The following RAD54L2 variants were observed in gnomAD, a reference collection of about 807,000 sequenced individuals.
RAD54L2 encodes the protein helicase ARIP4.
RAD54L2 carries 27 observed loss-of-function variants against 138.4 expected under a neutral mutation model. That is an observed-to-expected ratio of 0.20 (90% CI 0.14 to 0.27). The LOEUF (loss-of-function observed/expected upper bound fraction) is 0.27. RAD54L2 is among the 10% of genes least tolerant of loss of function. RAD54L2 has a pLI of 1.00. For synonymous variants in RAD54L2, 644 were observed against 723.2 expected, an observed-to-expected ratio of 0.89 and a Z score of 1.76; for missense variants, 1,396 against 1,890.2, an observed-to-expected ratio of 0.74 and a Z score of 4.85.
rs553511481 is a variant in RAD54L2 at position 51,590,026 on chromosome 3, C to T, written c.-54-341C>T. 5.3e-5 allele frequency among the ~76,000 whole-genome samples: 8 copies of T among 152,138 alleles called. No homozygotes were observed. The South Asian group carries it at 8.3e-4, about 16-fold the overall frequency. Reference sequence around the variant, plus strand: ...TTTTCTTTTGGAGAGAGTCTCACCTCGTCGCTCAGGCTGGAATGCAGTGGC... The same window carrying T: ...TTTTCTTTTGGAGAGAGTCTCACCTTGTCGCTCAGGCTGGAATGCAGTGGC... On this transcript the variant is annotated intron_variant, in intron 2 of 22. Coordinates refer to ENST00000684192, the MANE Select transcript of RAD54L2 (RefSeq NM_015106.4).
chr3:51,638,006 C>A lies in RAD54L2; in HGVS notation c.1683-138C>A. ...TCTTCTTGGTTGTTGAACCACTCTG[C>A]ATTATTGCAAGGCTGCAGTGCATGT... On this transcript the variant is annotated intron_variant, in intron 11 of 22. Transcript: ENST00000684192. The surrounding 1 kb of genome is among the most constrained non-coding windows in gnomAD (Gnocchi z 4.3). 2.6e-6 allele frequency: 2 copies of A among 779,270 alleles called. No homozygotes were observed. Among genetic ancestry groups the A allele is most frequent in the Non-Finnish European group, 4.1e-6 (2 of 489,892 alleles). The allele number at this position is 779,270 out of a possible 1,614,324, so 48.3% of individuals were successfully genotyped here.
intron 14 of RAD54L2, 85 bp from the exon 15 acceptor site, chr3:51,641,664 G>C: frequency 1.1e-6 from 1 of 884,358 alleles, no homozygotes. Flanking sequence ...CCCATTGTCA[G>C]AAAGTTGCAC....
rs1701917340 is a variant in RAD54L2, at chr3:51,666,588, A to G, written c.*3168A>G. 1 of 152,208 alleles carries G rather than the reference A, an allele frequency of 6.6e-6. No homozygotes were observed. Among genetic ancestry groups the G allele is most frequent in the Non-Finnish European group, 1.5e-5 (1 of 68,034 alleles). The allele number at this position is 152,208 out of a possible 1,614,324, so 9.4% of individuals were successfully genotyped here. A position where few individuals can be genotyped will look rare whatever the true frequency, so the allele number is the denominator to read the frequency against. ...TGATTGAGGTTTACCATTTATAGTG[A>G]TGCTTGATTTCCTTTTCTTAATATA... On this transcript the variant is annotated 3_prime_UTR_variant, in exon 23 of 23. Transcript: ENST00000684192.
At chr3:51,551,387 C>T (rs922691141) in intron 2 of RAD54L2, among the ~76,000 whole-genome samples, 4 of 151,844 alleles carry the variant, frequency 2.6e-5, no homozygotes, top group African/African-American at 9.7e-5. Context: ...CCTGTGTCGG[C>T]CTCCCAAAGT....
Position 51,638,339 on chromosome 3 carries a change from G to A in RAD54L2, c.1860+18G>A. Reference sequence around the variant, plus strand: ...GTTGCAAGGTGCATTGGGGCCTCAGGGAAGATTGAGATGGGGACTAAGGAT... The same window carrying A: ...GTTGCAAGGTGCATTGGGGCCTCAGAGAAGATTGAGATGGGGACTAAGGAT... On this transcript the variant is annotated intron_variant, in intron 12 of 22. Transcript: ENST00000684192. This position sits in a 1 kb window ranked among gnomAD's most constrained non-coding sequence, Gnocchi z 4.3. 6.2e-7 allele frequency: 1 copy of A among 1,612,690 alleles called. No homozygotes were observed. Among genetic ancestry groups the A allele is most frequent in the Non-Finnish European group, 8.5e-7 (1 of 1,179,400 alleles).
At chr3:51,561,335 T>A (rs1419383497) in intron 2 of RAD54L2, among the ~76,000 whole-genome samples, 1 of 152,186 alleles carries the variant, frequency 6.6e-6, no homozygotes, top group African/African-American at 2.4e-5. Flanking sequence ...AACCTCCACC[T>A]CCTGGGTTCA....
At chr3:51,566,838 T>G (rs775029222) in intron 2 of RAD54L2, among the ~76,000 whole-genome samples, 3 of 152,164 alleles carry the variant, frequency 2.0e-5, no homozygotes, top group Non-Finnish European at 4.4e-5. Context: ...TAGTTTTGGT[T>G]AATTTCTTGG....
intron 2 of RAD54L2, among the ~76,000 whole-genome samples, chr3:51,578,759 A>G (rs1699541112): frequency 6.6e-6 from 1 of 152,120 alleles, no homozygotes; most frequent in African/African-American, 2.4e-5. Flanking sequence ...TGACCCCTGA[A>G]GCCCTAGAGG....
intron 2 of RAD54L2, among the ~76,000 whole-genome samples, chr3:51,547,002 C>G (rs1698714876): frequency 6.6e-6 from 1 of 151,968 alleles, no homozygotes; most frequent in Admixed American, 6.6e-5. Flanking sequence ...GCACTCCAAC[C>G]TGGGCAACAG....
At chr3:51,613,322 C>A (rs1455671236) in intron 3 of RAD54L2, among the ~76,000 whole-genome samples, 1 of 152,154 alleles carries the variant, frequency 6.6e-6, no homozygotes, top group African/African-American at 2.4e-5. Flanking sequence ...TCTTCTTTTA[C>A]CTCTAGCTGA....
intron 19 of RAD54L2, 78 bp downstream of exon 19, chr3:51,646,559 G>T: frequency 2.2e-6 from 3 of 1,363,766 alleles, no homozygotes; most frequent in Non-Finnish European, 3.0e-6. Flanking sequence ...TTAAATAAAG[G>T]CAGAGCCTAC....
At chr3:51,570,052 C>G (rs1296138369) in intron 2 of RAD54L2, among the ~76,000 whole-genome samples, 1 of 151,296 alleles carries the variant, frequency 6.6e-6, no homozygotes, top group East Asian at 2.0e-4. Context: ...AGGCTGTTCT[C>G]AAACTCCTGT....
At chr3:51,592,491 C>G (rs752069375) in intron 3 of RAD54L2, among the ~76,000 whole-genome samples, 2 of 152,032 alleles carry the variant, frequency 1.3e-5, no homozygotes, top group Non-Finnish European at 2.9e-5. Flanking sequence ...GAATTTGACT[C>G]AAGGACCATT....
intron 1 of RAD54L2, among the ~76,000 whole-genome samples, chr3:51,539,528 T>C (rs1419433633): frequency 2.0e-5 from 3 of 151,854 alleles, no homozygotes; most frequent in Non-Finnish European, 4.4e-5. Context: ...CGAGGAGTGG[T>C]TTTCAGGCAA....
chr3:51,587,194 G>A (rs933365373), intron 2 of RAD54L2, among the ~76,000 whole-genome samples: 1 of 151,536 alleles, frequency 6.6e-6, no homozygotes, highest in South Asian at 2.1e-4. Context: ...TCCGCCTCCC[G>A]GGTTCACGCC....
At chr3:51,644,930 A>G in intron 16 of RAD54L2, 94 bp from the exon 17 acceptor site, 1 of 1,237,534 alleles carries the variant, frequency 8.1e-7, no homozygotes, top group Non-Finnish European at 1.2e-6. Flanking sequence ...CTTAGGACAG[A>G]GTAATATTGG....
chr3:51,653,547 A>T (rs1364204813), intron 19 of RAD54L2, among the ~76,000 whole-genome samples: 1 of 152,216 alleles, frequency 6.6e-6, no homozygotes, highest in Non-Finnish European at 1.5e-5. Flanking sequence ...TCCATCAATG[A>T]TAGACTGAAT....
chr3:51,610,119 G>C (rs929827416), intron 3 of RAD54L2, among the ~76,000 whole-genome samples: 1 of 151,482 alleles, frequency 6.6e-6, no homozygotes, highest in African/African-American at 2.4e-5. Context: ...CTGGGCAACA[G>C]AGCGAGACTC....
chr3:51,621,590 G>C (rs763146534), intron 3 of RAD54L2, among the ~76,000 whole-genome samples: 2 of 152,202 alleles, frequency 1.3e-5, no homozygotes, highest in African/African-American at 4.8e-5. Context: ...TTGGCAAAAA[G>C]TTCCCCCCTG....
Sources: gnomAD v4.1 joint callset for allele counts (sites outside exome capture counted in the v4.1 genomes callset) on GRCh38, gnomAD v4.1.1 for gene constraint, Gnocchi (gnomAD v3.1) non-coding constraint, MANE v1.5 for transcripts, NCBI Gene and HGNC (gene_info 2026-07-23, HGNC 2026-07-21) for gene names.